Variants in COL25A1 observed in about 807,000 individuals in gnomAD.
The protein encoded by COL25A1 is collagen type XXV alpha 1 chain, also known as collagen alpha-1(XXV) chain.
COL25A1 carries 103 observed loss-of-function variants against 128.4 expected under a neutral mutation model. The observed-to-expected ratio is 0.80, with a 90% CI of 0.68 to 0.94. The LOEUF (loss-of-function observed/expected upper bound fraction) is 0.94, where lower values mean the gene tolerates loss of function less well. Among genes scored for constraint, COL25A1 ranks in the 40% least tolerant of loss-of-function variants. The pLI, the probability that COL25A1 is intolerant of heterozygous loss-of-function variation, is 0.00. For missense variants in COL25A1, 745 were observed against 840.0 expected, an observed-to-expected ratio of 0.89 and a Z score of 1.40; for synonymous variants, 279 against 277.2, an observed-to-expected ratio of 1.01 and a Z score of -0.06.
intron 3 of COL25A1, among the ~76,000 whole-genome samples, chr4:109,169,219 T>C (rs920801973): frequency 2.0e-5 from 3 of 152,192 alleles, no homozygotes; most frequent in Non-Finnish European, 2.9e-5. Flanking sequence ...TATGTGCTCC[T>C]TGCTAAATCC....
At chr4:108,997,885 C>A (rs1454316745) in intron 6 of COL25A1, among the ~76,000 whole-genome samples, 1 of 152,182 alleles carries the variant, frequency 6.6e-6, no homozygotes, top group Non-Finnish European at 1.5e-5. Context: ...ACATGATTAT[C>A]TCAATTGATG....
intron 3 of COL25A1, among the ~76,000 whole-genome samples, chr4:109,243,949 A>G (rs1686289012): frequency 6.6e-6 from 1 of 152,050 alleles, no homozygotes; most frequent in Non-Finnish European, 1.5e-5. Context: ...GAAAGTACTG[A>G]AGGCAGTGAA....
Position 109,302,278 on chromosome 4 carries a change from G to A in COL25A1, c.-166C>T, listed in dbSNP as rs1302838664. ...TCCGTCCGGGGACTGGGTGGCGGTG[G>A]GGTAAAAAGCAAGACGAAACCCACC... On this transcript the variant is annotated 5_prime_UTR_variant, in exon 1 of 38. Transcript: ENST00000399132. 3 of 482,330 alleles carry A rather than the reference G, an allele frequency of 6.2e-6. No homozygotes were observed. The East Asian group carries it at 9.9e-5, about 16-fold the overall frequency. 29.9% of individuals were successfully genotyped at this position (482,330 alleles called of 1,614,324 possible). A position where few individuals can be genotyped will look rare whatever the true frequency, so the allele number is the denominator to read the frequency against.
intron 5 of COL25A1, among the ~76,000 whole-genome samples, chr4:109,028,914 C>G (rs1167712640): frequency 6.6e-6 from 1 of 152,084 alleles, no homozygotes; most frequent in African/African-American, 2.4e-5. Flanking sequence ...GAACTGAATT[C>G]TGACCACTAA....
At position 109,301,983 on chromosome 4, in the gene COL25A1, G is replaced by A. The variant is rs770384001; in HGVS notation, c.37C>T (p.Arg13Trp). The A allele has an allele frequency of 6.2e-6, 10 of 1,605,038 alleles. No individual in the cohort carries two copies. In the Admixed American group the frequency reaches 1.5e-4, roughly 24 times the overall value. The change falls in exon 2 of 38, where the codon CGG becomes TGG. Residue 13 changes from arginine to tryptophan, a missense_variant. Around this residue, in one of 3 missense-constraint regions of COL25A1, gnomAD observed 319 missense variants for 324.9 expected, o/e 0.98. Transcript: ENST00000399132. ...GTCGGGTCCTCGGATCTGGGCTCCCGGCCCCCTCCTTTCCCTGCGTGCTTC... is the reference window on the plus strand; with the variant it reads ...GTCGGGTCCTCGGATCTGGGCTCCCAGCCCCCTCCTTTCCCTGCGTGCTTC... The part of the protein sequence containing the change: ...LKKHAGKGGG[R>W]EPRSEDPTPA...
chr4:109,229,234 A>G (rs1440053691), intron 3 of COL25A1, among the ~76,000 whole-genome samples: 1 of 152,214 alleles, frequency 6.6e-6, no homozygotes. Flanking sequence ...TGACTCCAAC[A>G]TGACAAACTT....
chr4:108,863,043 G>A (rs1183596262), intron 21 of COL25A1, among the ~76,000 whole-genome samples: 2 of 152,096 alleles, frequency 1.3e-5, no homozygotes, highest in African/African-American at 4.8e-5. Context: ...TTTTTTTTCA[G>A]TAAGTTTTAA....
chr4:109,296,259 A>T (rs1480404424), intron 3 of COL25A1, among the ~76,000 whole-genome samples: 1 of 151,922 alleles, frequency 6.6e-6, no homozygotes, highest in African/African-American at 2.4e-5. Context: ...CGGAAACCAG[A>T]TTTTCTCTAT....
At chr4:109,082,093 G>C (rs1413839888) in intron 3 of COL25A1, among the ~76,000 whole-genome samples, 1 of 152,142 alleles carries the variant, frequency 6.6e-6, no homozygotes, top group African/African-American at 2.4e-5. Flanking sequence ...TTTATGACTA[G>C]CATAACGTTT....
chr4:109,158,102 A>T (rs1487749046), intron 3 of COL25A1, among the ~76,000 whole-genome samples: 1 of 152,114 alleles, frequency 6.6e-6, no homozygotes, highest in African/African-American at 2.4e-5. Flanking sequence ...CCTGTAAAAA[A>T]TTTTCTTTGA....
chr4:109,138,114 C>T (rs1227976634), intron 3 of COL25A1, among the ~76,000 whole-genome samples: 1 of 151,980 alleles, frequency 6.6e-6, no homozygotes, highest in Non-Finnish European at 1.5e-5. Flanking sequence ...TTAGGTATTT[C>T]TCCTACTGCT....
chr4:108,949,824 A>C (rs6826750), intron 8 of COL25A1, among the ~76,000 whole-genome samples: 6,616 of 152,168 alleles, frequency 0.043, 372 homozygotes, highest in African/African-American at 0.13. Flanking sequence ...CATGAGCCAC[A>C]GCGCCCAGCC....
At chr4:109,256,307 T>C (rs1298433912) in intron 3 of COL25A1, among the ~76,000 whole-genome samples, 1 of 152,092 alleles carries the variant, frequency 6.6e-6, no homozygotes, top group Non-Finnish European at 1.5e-5. Flanking sequence ...CAAATTCACC[T>C]TGGGTGAACA....
chr4:108,957,972 A>C (rs1471670672), intron 8 of COL25A1, among the ~76,000 whole-genome samples: 3 of 152,174 alleles, frequency 2.0e-5, no homozygotes, highest in Non-Finnish European at 1.5e-5. Context: ...ACTATAAGAA[A>C]AAAAATTCAG....
chr4:109,204,425 G>C (rs1186964540), intron 3 of COL25A1, among the ~76,000 whole-genome samples: 1 of 151,740 alleles, frequency 6.6e-6, no homozygotes, highest in Non-Finnish European at 1.5e-5. Context: ...CCATGTCTTA[G>C]GAATAATTTG....
chr4:109,126,150 C>G (rs554957846), intron 3 of COL25A1, among the ~76,000 whole-genome samples: 2 of 151,514 alleles, frequency 1.3e-5, no homozygotes, highest in African/African-American at 4.8e-5. Context: ...TTTTTAAATC[C>G]CCAATGTTTT....
rs938361551 is a variant in COL25A1 at position 108,836,555 on chromosome 4, C to T, written c.1657-4122G>A. ...CTATAAAATATTTTTAAAAATAAAGCGCTTGAGCCCAGGACTTTGAAGCTG... is the reference window on the plus strand; with the variant it reads ...CTATAAAATATTTTTAAAAATAAAGTGCTTGAGCCCAGGACTTTGAAGCTG... On this transcript the variant is annotated intron_variant, in intron 31 of 37. Coordinates refer to ENST00000399132, the MANE Select transcript of COL25A1 (RefSeq NM_198721.4). Among the ~76,000 whole-genome samples the T allele has an allele frequency of 2.6e-5, 4 of 151,952 alleles. No individual in the cohort carries two copies. In the East Asian group the frequency reaches 7.7e-4, roughly 29 times the overall value.
At chr4:108,942,348 C>T in intron 8 of COL25A1, 3 of 1,277,510 alleles carry the variant, frequency 2.3e-6, no homozygotes, top group East Asian at 2.5e-5. Flanking sequence ...ACAAAACAAG[C>T]ACATACCTAG....
At chr4:109,005,936 ACAAATTTTG>A (rs1487398449) in intron 6 of COL25A1, among the ~76,000 whole-genome samples, 1 of 152,194 alleles carries the variant, frequency 6.6e-6, no homozygotes, top group Non-Finnish European at 1.5e-5. Flanking sequence ...ATAACAAAAA[ACAAATTTTG>A]ACATTTTAGG....
Sources: allele counts gnomAD v4.1 joint callset (sites outside exome capture counted in the v4.1 genomes callset), GRCh38; gene constraint gnomAD v4.1.1; regional missense constraint gnomAD v4.1.1; transcripts MANE v1.5; gene names NCBI Gene and HGNC (gene_info 2026-07-23, HGNC 2026-07-21).